TCF7: variants seen among roughly 807,000 people sequenced by gnomAD.
TCF7 encodes the protein T-cell-factor-7.
In TCF7, 19 loss-of-function variants were observed where a neutral mutation model predicts 46.8. The observed-to-expected ratio is 0.41, with a 90% CI of 0.28 to 0.60. TCF7 has a LOEUF of 0.60. Ranked by LOEUF, TCF7 falls within the 20% of genes least tolerant of loss-of-function variation. The pLI is 0.35. For missense variants in TCF7, 547 were observed against 504.6 expected, an observed-to-expected ratio of 1.08 and a Z score of -0.81; for synonymous variants, 245 against 213.4, an observed-to-expected ratio of 1.15 and a Z score of -1.29.
chr5:134,117,284 G>A (rs922943853), intron 3 of TCF7, among the ~76,000 whole-genome samples: 1 of 152,214 alleles, frequency 6.6e-6, no homozygotes, highest in African/African-American at 2.4e-5. Flanking sequence ...GTGCCCCCCA[G>A]CATTCCCCCG....
At chr5:134,129,143 T>C (rs1371070506) in intron 3 of TCF7, among the ~76,000 whole-genome samples, 2 of 152,236 alleles carry the variant, frequency 1.3e-5, no homozygotes, top group Non-Finnish European at 2.9e-5. Flanking sequence ...GTGCTTCACT[T>C]TCCTCGTCTG....
chr5:134,116,563 A>T (rs376962116), intron 3 of TCF7, among the ~76,000 whole-genome samples: 9 of 152,366 alleles, frequency 5.9e-5, no homozygotes, highest in South Asian at 4.1e-4. Context: ...AGGACCCTGA[A>T]CACCATGTGT....
the TCF7 span, among the ~76,000 whole-genome samples, chr5:134,108,370 G>A: frequency 6.6e-6 from 1 of 152,172 alleles, no homozygotes. Flanking sequence ...ACAGATGAAG[G>A]TGCCATGATC....
At position 134,145,353 on chromosome 5, in the gene TCF7, C is replaced by T. The variant is rs1344611500; in HGVS notation, c.1076-871C>T. ...ATCTGGTTGCCAGGTAGCCTTATGA[C>T]TTGCTATCTTGTACCTACTGATACC... On this transcript the variant is annotated intron_variant, in intron 9 of 9. Transcript: ENST00000342854. 5.5e-6 allele frequency: 3 copies of T among 544,498 alleles called. No homozygotes were observed. In the East Asian group the frequency reaches 1.5e-4, roughly 27 times the overall value. The allele number at this position is 544,498 out of a possible 1,614,324, so 33.7% of individuals were successfully genotyped here.
At chr5:134,143,162 G>A in intron 8 of TCF7, 62 bp downstream of exon 8, 1 of 1,502,594 alleles carries the variant, frequency 6.7e-7, no homozygotes, top group Non-Finnish European at 9.1e-7. Flanking sequence ...CCATGCCCCA[G>A]GCCACAATCT....
At position 134,142,391 on chromosome 5, in the gene TCF7, C is replaced by T. The variant is rs1041358158; in HGVS notation, c.755+87C>T. 4.6e-6 allele frequency: 6 copies of T among 1,307,480 alleles called. No homozygotes were observed. In the African/African-American group the frequency reaches 9.3e-5, roughly 20 times the overall value. 81.0% of individuals were successfully genotyped at this position (1,307,480 alleles called of 1,614,324 possible). On this transcript the variant is annotated intron_variant, in intron 6 of 9. Transcript: ENST00000342854. ...AGGCCTGAGGACTGCCACGAGGTCC[C>T]TGCCTAAGCTGTTTCGTGCCTCTGG...
rs778769795 is a variant in TCF7 at position 134,115,317 on chromosome 5, C to G, written c.250-4C>G. 1.8e-5 allele frequency: 28 copies of G among 1,578,340 alleles called. No individual in the cohort carries two copies. Among genetic ancestry groups the G allele is most frequent in the Non-Finnish European group, 2.6e-6 (3 of 1,163,410 alleles). ...CCCTCACTCCCCTCCGGTTCTCCCT[C>G]CAGGCTCTCGGGCGGGAACACGCTG... On this transcript the variant is annotated splice_polypyrimidine_tract_variant and splice_region_variant and intron_variant, in intron 1 of 9. Transcript: ENST00000342854.
intron 3 of TCF7, 161 bp downstream of exon 3, chr5:134,116,194 A>C: frequency 7.1e-7 from 1 of 1,400,892 alleles, no homozygotes; most frequent in Admixed American, 3.2e-5. Context: ...CAAAAGGAGA[A>C]CTTTGCTGAA....
chr5:134,123,691 C>T (rs1304103613), intron 3 of TCF7: 1 of 456,228 alleles, frequency 2.2e-6, no homozygotes, highest in Admixed American at 2.3e-5. Context: ...GACCTTGGTG[C>T]TGGGGCAGCG....
rs1561646712 is a variant in TCF7, at chr5:134,115,988, AC to A, written c.402del (p.Ser135ArgfsTer64). The A allele has an allele frequency of 6.2e-7, 1 of 1,611,672 alleles. No individual in the cohort carries two copies. Among genetic ancestry groups the A allele is most frequent in the Non-Finnish European group, 8.5e-7 (1 of 1,179,486 alleles). ...CCTTCAATCTGCTCATGCATTACCC[AC>A]CCCCCTCGGGAGCAGGGCAGCACCC... Reference protein sequence around the residue: ...SAFNLLMHYPPPSGAGQHPQP... With the variant: ...SAFNLLMHYPXPSGAGQHPQP... On this transcript the variant is annotated frameshift_variant, in exon 3 of 10. Transcript: ENST00000342854. LOFTEE classifies it high-confidence loss of function.
At chr5:134,138,644 A>C in intron 4 of TCF7, 1 of 345,206 alleles carries the variant, frequency 2.9e-6, no homozygotes, top group South Asian at 5.8e-5. Context: ...TCCTGCCCAG[A>C]AAGCTAGGCT....
chr5:134,142,934 G>A, intron 7 of TCF7, 51 bp downstream of exon 7: 3 of 1,611,864 alleles, frequency 1.9e-6, no homozygotes, highest in Non-Finnish European at 2.5e-6. Flanking sequence ...ACCATCTTCA[G>A]CCTGGTGCAG....
rs1760913119 is a variant in TCF7 at position 134,148,048 on chromosome 5, T to TAC, written c.*1745_*1746insAC. On this transcript the variant is annotated 3_prime_UTR_variant, in exon 10 of 10. Transcript: ENST00000342854. ...CTCAAAAAAAGCCTTTAGTTCCTAC[T>TAC]TTAGCCACTGGTTTCTCAGAATCCA... 1 of 151,806 alleles carries TAC rather than the reference T, an allele frequency of 6.6e-6. No individual in the cohort carries two copies. The highest frequency in any genetic ancestry group is 2.4e-5 in the African/African-American group (1 of 41,162). The allele number at this position is 151,806 out of a possible 1,614,324, so 9.4% of individuals were successfully genotyped here.
chr5:134,119,438 T>A (rs1310746041), intron 3 of TCF7, among the ~76,000 whole-genome samples: 1 of 152,188 alleles, frequency 6.6e-6, no homozygotes, highest in Non-Finnish European at 1.5e-5. Flanking sequence ...CTTATGAATA[T>A]ACTAAAAGCC....
At chr5:134,136,237 A>G (rs1758844819) in intron 3 of TCF7, among the ~76,000 whole-genome samples, 1 of 152,178 alleles carries the variant, frequency 6.6e-6, no homozygotes, top group South Asian at 2.1e-4. Flanking sequence ...TACAAAGTGC[A>G]TGACACAGTC....
intron 5 of TCF7, chr5:134,141,131 T>C: frequency 4.6e-6 from 1 of 218,794 alleles, no homozygotes; most frequent in Non-Finnish European, 9.2e-6. Flanking sequence ...TACAGGCATA[T>C]GTGGCTCAGC....
intron 3 of TCF7, among the ~76,000 whole-genome samples, chr5:134,135,267 G>T (rs1014409451): frequency 1.7e-4 from 26 of 152,202 alleles, no homozygotes; most frequent in African/African-American, 6.0e-4. Context: ...AGCCCACAGA[G>T]AATTTTGTAG....
intron 3 of TCF7, among the ~76,000 whole-genome samples, chr5:134,123,994 C>T (rs1306608838): frequency 1.3e-5 from 2 of 152,074 alleles, no homozygotes; most frequent in Admixed American, 1.3e-4. Flanking sequence ...TTCCATTTGA[C>T]CCTCATGCTC....
At chr5:134,139,269 G>A in intron 5 of TCF7, 1 of 598,396 alleles carries the variant, frequency 1.7e-6, no homozygotes, top group South Asian at 2.3e-5. Flanking sequence ...GGAGAGGCAG[G>A]AGAGCTGGTC....
Sources: gnomAD v4.1 joint callset for allele counts (sites outside exome capture counted in the v4.1 genomes callset) on GRCh38, gnomAD v4.1.1 for gene constraint, MANE v1.5 for transcripts, NCBI Gene and HGNC (gene_info 2026-07-23, HGNC 2026-07-21) for gene names.